The following NIF3L1 variants were observed in gnomAD, a reference collection of about 807,000 sequenced individuals.
The protein encoded by NIF3L1 is NIF3-like protein 1.
In NIF3L1, 26 loss-of-function variants were observed where a neutral mutation model predicts 35.0. The ratio of observed to expected loss-of-function variants is 0.74; its 90% CI spans 0.54 to 1.03. NIF3L1 has a LOEUF of 1.03. Among genes scored for constraint, NIF3L1 ranks in the 50% least tolerant of loss-of-function variants. The pLI is 0.00. For missense variants in NIF3L1, 449 were observed against 466.3 expected (o/e 0.96, Z 0.34); for synonymous variants, 157 against 178.9 (o/e 0.88, Z 0.98).
At chr2:200,902,032 T>C (rs912263631) in intron 6 of NIF3L1, among the ~76,000 whole-genome samples, 16 of 152,324 alleles carry the variant, frequency 1.1e-4, no homozygotes, top group African/African-American at 3.6e-4. Flanking sequence ...GAGGAGATTG[T>C]GGGGAACTAA....
chr2:200,897,977 T>C (rs2040346708), intron 5 of NIF3L1, among the ~76,000 whole-genome samples: 1 of 152,230 alleles, frequency 6.6e-6, no homozygotes, highest in Non-Finnish European at 1.5e-5. Context: ...TTGACAAGTT[T>C]ATGCCCTCTG....
chr2:200,903,203 AT>A (rs1172851294), intron 6 of NIF3L1, among the ~76,000 whole-genome samples: 3 of 152,096 alleles, frequency 2.0e-5, no homozygotes, highest in African/African-American at 7.2e-5. Flanking sequence ...AAGTTTCACC[AT>A]GTTGGCCAGG....
intron 4 of NIF3L1, among the ~76,000 whole-genome samples, chr2:200,896,076 CCT>C (rs1039008973): frequency 6.6e-6 from 1 of 151,598 alleles, no homozygotes; most frequent in African/African-American, 2.4e-5. Flanking sequence ...CTGAGTCTGG[CCT>C]CATATCTATA....
rs781279478 is a variant in NIF3L1, at chr2:200,893,456, T to A, written c.599+48T>A. 2.5e-6 allele frequency: 4 copies of A among 1,573,790 alleles called. No individual in the cohort carries two copies. The Admixed American group carries it at 5.0e-5, about 20-fold the overall frequency. On this transcript the variant is annotated intron_variant, in intron 3 of 6. Coordinates refer to ENST00000409020, the MANE Select transcript of NIF3L1 (RefSeq NM_001369441.2). ...TTTTGTGTGTATTTATTGGTAAGCA[T>A]CTTCCTTACAAAGTCTATAACCCTG...
At chr2:200,895,173 C>A in intron 3 of NIF3L1, 91 bp from the exon 4 acceptor site, 1 of 1,232,836 alleles carries the variant, frequency 8.1e-7, no homozygotes, top group Non-Finnish European at 1.2e-6. Flanking sequence ...CCACATAAAT[C>A]TAATCTATTA....
chr2:200,889,418 G>A lies in NIF3L1; in HGVS notation c.-261G>A, dbSNP rs1487105446. On this transcript the variant is annotated 5_prime_UTR_variant, in exon 1 of 7. Transcript: ENST00000409020. ...TGAGTAGTGGGCGATTTAAAAACCC[G>A]CGAGTGTAGTTGTGACCTTCGCGGT... is the stretch of plus-strand genomic sequence containing the variant. 4.2e-6 allele frequency: 1 copy of A among 240,934 alleles called. No homozygotes were observed. 14.9% of individuals were successfully genotyped at this position (240,934 alleles called of 1,614,324 possible).
At chr2:200,889,331 G>C, upstream of NIF3L1, 1 of 283,434 alleles carries the variant, frequency 3.5e-6, no homozygotes, top group East Asian at 9.5e-5. Flanking sequence ...GGAGCCAAGT[G>C]CCACAGCATC....
At chr2:200,891,587 G>C (rs1201487560) in intron 1 of NIF3L1, 2 of 200,822 alleles carry the variant, frequency 1.0e-5, no homozygotes, top group African/African-American at 4.6e-5. Context: ...GTTGGTTGAA[G>C]CAAGGGTAGG....
At chr2:200,894,786 G>A (rs12611714) in intron 3 of NIF3L1, among the ~76,000 whole-genome samples, 4 of 150,966 alleles carry the variant, frequency 2.6e-5, no homozygotes, top group African/African-American at 9.8e-5. Context: ...ATGTTGCCCA[G>A]GCTGGTGTTG....
chr2:200,898,979 G>C (rs773777541), intron 5 of NIF3L1: 1 of 179,832 alleles, frequency 5.6e-6, no homozygotes, highest in Non-Finnish European at 1.2e-5. Context: ...GTACTATTCA[G>C]TGGTTTGTGA....
chr2:200,896,535 A>T (rs2040317867), intron 4 of NIF3L1, among the ~76,000 whole-genome samples: 1 of 152,056 alleles, frequency 6.6e-6, no homozygotes, highest in African/African-American at 2.4e-5. Flanking sequence ...TTAGTTTGTC[A>T]TTCTTTGTGC....
chr2:200,895,492 C>A, intron 4 of NIF3L1, 102 bp downstream of exon 4: 1 of 1,117,980 alleles, frequency 8.9e-7, no homozygotes, highest in South Asian at 1.4e-5. Flanking sequence ...TGAGGTATAC[C>A]TTATTGAGGT....
rs79078956 is a variant in NIF3L1, at chr2:200,889,530, C to G, written c.-149C>G. 4,370 of 167,216 alleles carry G rather than the reference C, an allele frequency of 0.026. 217 individuals are homozygous for G. The highest frequency in any genetic ancestry group is 0.099 in the African/African-American group (4,151 of 41,788). 10.4% of individuals were successfully genotyped at this position (167,216 alleles called of 1,614,324 possible). A position where few individuals can be genotyped will look rare whatever the true frequency, so the allele number is the denominator to read the frequency against. On this transcript the variant is annotated 5_prime_UTR_variant, in exon 1 of 7. Coordinates refer to ENST00000409020, the MANE Select transcript of NIF3L1 (RefSeq NM_001369441.2). ...AGATTGGGTCAGAAAACTGCCCTGCCGCACCAGAGCACAGCGCACTAGTGG... is the reference window on the plus strand; with the variant it reads ...AGATTGGGTCAGAAAACTGCCCTGCGGCACCAGAGCACAGCGCACTAGTGG...
intron 1 of NIF3L1, among the ~76,000 whole-genome samples, chr2:200,890,000 T>C (rs779987590): frequency 5.9e-5 from 9 of 152,056 alleles, no homozygotes; most frequent in Non-Finnish European, 1.0e-4. Flanking sequence ...CCCACTAGGG[T>C]TTCACTTTCG....
At chr2:200,902,889 G>A (rs982218236) in intron 6 of NIF3L1, among the ~76,000 whole-genome samples, 9 of 152,256 alleles carry the variant, frequency 5.9e-5, no homozygotes, top group Admixed American at 4.6e-4. Flanking sequence ...TCATTTTACC[G>A]TGGAAACACT....
chr2:200,899,501 T>C, intron 6 of NIF3L1, 33 bp downstream of exon 6: 7 of 1,591,830 alleles, frequency 4.4e-6, no homozygotes, highest in Non-Finnish European at 6.0e-6. Flanking sequence ...CTTGGTTTAT[T>C]TTTTGCAAAA....
chr2:200,903,657 G>A lies in NIF3L1; in HGVS notation c.1113G>A (p.Arg371=). 6.2e-7 allele frequency: 1 copy of A among 1,613,594 alleles called. No homozygotes were observed. Among genetic ancestry groups the A allele is most frequent in the Non-Finnish European group, 8.5e-7 (1 of 1,179,582 alleles). ...ATATTATCCTATCAGAGACTGACAG[G>A]GACCCTCTTCAGGTGGTATAATTGC... ...KINIILSETD[R]DPLQVV The change falls in exon 7 of 7, where the codon AGG becomes AGA. Residue 371 remains arginine (R), a synonymous_variant. Coordinates refer to ENST00000409020, the MANE Select transcript of NIF3L1 (RefSeq NM_001369441.2).
At chr2:200,897,303 G>A (rs1043319975) in intron 5 of NIF3L1, 89 bp downstream of exon 5, 1 of 1,411,940 alleles carries the variant, frequency 7.1e-7, no homozygotes, top group Non-Finnish European at 9.8e-7. Flanking sequence ...ATGTGATAGA[G>A]AATGTGTTAG....
intron 6 of NIF3L1, 111 bp downstream of exon 6, chr2:200,899,579 T>C (rs944684395): frequency 7.4e-6 from 5 of 676,296 alleles, no homozygotes; most frequent in Non-Finnish European, 1.3e-5. Flanking sequence ...TTTCTGAACC[T>C]GAACTAAACA....
Sources: gnomAD v4.1 joint callset for allele counts (sites outside exome capture counted in the v4.1 genomes callset) on GRCh38, gnomAD v4.1.1 for gene constraint, MANE v1.5 for transcripts, NCBI Gene and HGNC (gene_info 2026-07-23, HGNC 2026-07-21) for gene names.